The following COL11A1 variants were observed in gnomAD, a reference collection of about 807,000 sequenced individuals.
COL11A1 encodes the protein collagen type XI alpha 1 chain.
In COL11A1, 74 loss-of-function variants were observed where a neutral mutation model predicts 265.2. The observed-to-expected ratio is 0.28, with a 90% CI of 0.23 to 0.34. The LOEUF is 0.34. Among genes scored for constraint, COL11A1 ranks in the 10% least tolerant of loss-of-function variants. The pLI is 1.00. For synonymous variants in COL11A1, 816 were observed against 727.6 expected (o/e 1.12, Z -1.96); for missense variants, 2,165 against 2,263.6 (o/e 0.96, Z 0.88).
At chr1:103,022,222 T>G (rs923327072) in intron 8 of COL11A1, among the ~76,000 whole-genome samples, 1 of 152,074 alleles carries the variant, frequency 6.6e-6, no homozygotes, top group African/African-American at 2.4e-5. Flanking sequence ...TTAAAATATA[T>G]TTTTAAATAT....
intron 46 of COL11A1, among the ~76,000 whole-genome samples, chr1:102,924,281 T>C (rs960111807): frequency 3.9e-5 from 6 of 152,188 alleles, no homozygotes; most frequent in Non-Finnish European, 5.9e-5. Context: ...CTGTAACTGA[T>C]ATTTAGGAAA....
chr1:102,965,059 C>T (rs1345991536), intron 38 of COL11A1, among the ~76,000 whole-genome samples: 2 of 151,942 alleles, frequency 1.3e-5, no homozygotes, highest in Non-Finnish European at 2.9e-5. Flanking sequence ...TAATATGTTA[C>T]AAATATTAAA....
intron 39 of COL11A1, 58 bp from the exon 40 acceptor site, chr1:102,962,323 A>T: frequency 7.6e-7 from 1 of 1,323,514 alleles, no homozygotes; most frequent in Non-Finnish European, 1.1e-6. Flanking sequence ...CTTTCTACAA[A>T]CAAAATTGTG....
intron 7 of COL11A1, among the ~76,000 whole-genome samples, chr1:103,023,814 A>T (rs151058482): frequency 6.6e-6 from 1 of 152,324 alleles, no homozygotes; most frequent in African/African-American, 2.4e-5. Context: ...TATGTAGAGT[A>T]TCTCATATGT....
At position 102,883,286 on chromosome 1, in the gene COL11A1, T is replaced by C. The variant is rs1191447397; in HGVS notation, c.4884A>G (p.Gln1628=). ...CTTTGAAGGAATCTCCTGAGCAACC[T>C]TGGTTAGGATCAATCCAATATTCAC... ...PDGEYWIDPN[Q]GCSGDSFKVY... Residue 1628 remains glutamine (Q), a synonymous_variant, in exon 64 of 67, where the codon CAA becomes CAG. Transcript: ENST00000370096. 1 of 1,612,996 alleles carries C rather than the reference T, an allele frequency of 6.2e-7. No individual in the cohort carries two copies. Among genetic ancestry groups the C allele is most frequent in the Non-Finnish European group, 8.5e-7 (1 of 1,179,282 alleles).
chr1:102,973,698 A>G (rs1028997466), intron 36 of COL11A1, among the ~76,000 whole-genome samples: 4 of 152,168 alleles, frequency 2.6e-5, no homozygotes, highest in African/African-American at 9.7e-5. Flanking sequence ...AGGTTACTTT[A>G]TATTTAACAC....
chr1:102,939,215 AT>A (rs1459099351), intron 43 of COL11A1, 127 bp from the exon 44 acceptor site: 1 of 885,516 alleles, frequency 1.1e-6, no homozygotes, highest in Non-Finnish European at 1.8e-6. Flanking sequence ...ACTGTTTAAA[AT>A]GGAAAATCTT....
chr1:103,039,321 G>A (rs1389862008), intron 4 of COL11A1, among the ~76,000 whole-genome samples: 1 of 152,086 alleles, frequency 6.6e-6, no homozygotes, highest in Non-Finnish European at 1.5e-5. Flanking sequence ...AGAACAGGAT[G>A]AGCTTGCCCA....
intron 1 of COL11A1, among the ~76,000 whole-genome samples, chr1:103,085,054 G>C (rs377574388): frequency 2.6e-5 from 4 of 152,046 alleles, no homozygotes; most frequent in Admixed American, 2.6e-4. Context: ...AGTAGTGCTG[G>C]GTTAAATTAA....
intron 4 of COL11A1, among the ~76,000 whole-genome samples, chr1:103,042,618 C>T (rs192312025): frequency 1.1e-3 from 164 of 152,198 alleles, no homozygotes; most frequent in Non-Finnish European, 2.0e-3. Flanking sequence ...TTGTTTACCC[C>T]CATACTTTCC....
intron 31 of COL11A1, among the ~76,000 whole-genome samples, chr1:102,981,106 T>G (rs1164251082): frequency 6.6e-6 from 1 of 152,120 alleles, no homozygotes; most frequent in Admixed American, 6.6e-5. Flanking sequence ...ATAGTCAAAA[T>G]AATAACCTGA....
intron 4 of COL11A1, among the ~76,000 whole-genome samples, chr1:103,035,575 T>A (rs1469013679): frequency 6.6e-6 from 1 of 152,088 alleles, no homozygotes; most frequent in Non-Finnish European, 1.5e-5. Context: ...TTTAATTCAT[T>A]CACTCTCTCA....
intron 1 of COL11A1, among the ~76,000 whole-genome samples, chr1:103,087,974 AT>A (rs111681870): frequency 6.6e-6 from 1 of 152,086 alleles, no homozygotes; most frequent in African/African-American, 2.4e-5. Flanking sequence ...TCGAAATTAA[AT>A]TTTTTTAGGT....
chr1:103,016,832 T>C (rs1192713673), intron 11 of COL11A1, among the ~76,000 whole-genome samples: 2 of 152,008 alleles, frequency 1.3e-5, no homozygotes, highest in Non-Finnish European at 1.5e-5. Context: ...TTTAAAATCC[T>C]AACAAATCTA....
chr1:102,952,337 T>G (rs1008661135), intron 41 of COL11A1, among the ~76,000 whole-genome samples: 6 of 152,212 alleles, frequency 3.9e-5, no homozygotes, highest in African/African-American at 1.4e-4. Context: ...GACCTCGTGA[T>G]CCACCTGTCT....
intron 15 of COL11A1, among the ~76,000 whole-genome samples, chr1:103,007,076 A>G (rs1262372367): frequency 6.6e-6 from 1 of 150,962 alleles, no homozygotes; most frequent in Non-Finnish European, 1.5e-5. Context: ...GTCTTTTCTC[A>G]TGTTTGAATC....
At chr1:103,100,564 C>G (rs1674179763) in intron 1 of COL11A1, 1 of 152,198 alleles carries the variant, frequency 6.6e-6, no homozygotes, top group African/African-American at 2.4e-5. Flanking sequence ...TCACCTTTTA[C>G]CAGAACCTCT....
At chr1:103,105,225 C>T (rs1356810522) in intron 1 of COL11A1, among the ~76,000 whole-genome samples, 1 of 151,866 alleles carries the variant, frequency 6.6e-6, no homozygotes, top group East Asian at 1.9e-4. Context: ...AAGTAATGGA[C>T]TAACTGCCAA....
intron 30 of COL11A1, among the ~76,000 whole-genome samples, chr1:102,986,820 G>T (rs1017950365): frequency 1.4e-4 from 21 of 152,030 alleles, no homozygotes; most frequent in Admixed American, 1.3e-3. Context: ...AACACATAAT[G>T]CCCCGTGTCT....
Sources: gnomAD v4.1 joint callset for allele counts (sites outside exome capture counted in the v4.1 genomes callset) on GRCh38, gnomAD v4.1.1 for gene constraint, MANE v1.5 for transcripts, NCBI Gene and HGNC (gene_info 2026-07-23, HGNC 2026-07-21) for gene names.